The following NALF1 variants were observed in gnomAD, a reference collection of about 807,000 sequenced individuals.
NALF1 encodes NALCN channel auxiliary factor 1.
A neutral mutation model predicts 48.4 loss-of-function variants in NALF1; 3 were observed. The ratio of observed to expected loss-of-function variants is 0.06; its 90% CI spans 0.03 to 0.16. The LOEUF is 0.16. Ranked by LOEUF, NALF1 falls within the 10% of genes least tolerant of loss-of-function variation. The pLI, the probability that NALF1 is intolerant of heterozygous loss-of-function variation, is 1.00. For synonymous variants in NALF1, 262 were observed against 245.7 expected, an observed-to-expected ratio of 1.07 and a Z score of -0.62; for missense variants, 526 against 571.5, an observed-to-expected ratio of 0.92 and a Z score of 0.81.
intron 1 of NALF1, among the ~76,000 whole-genome samples, chr13:107,553,295 G>A (rs1877352567): frequency 6.6e-6 from 1 of 152,066 alleles, no homozygotes. Context: ...TCACATTTTT[G>A]TTATGTCTTG....
chr13:107,728,816 G>A (rs761262456), intron 1 of NALF1, among the ~76,000 whole-genome samples: 13 of 152,218 alleles, frequency 8.5e-5, no homozygotes, highest in South Asian at 2.1e-4. Context: ...TGCTGTCTTC[G>A]TCAGAGGCTG....
At chr13:107,793,264 T>C (rs1594270606) in intron 1 of NALF1, among the ~76,000 whole-genome samples, 1 of 152,180 alleles carries the variant, frequency 6.6e-6, no homozygotes, top group South Asian at 2.1e-4. Context: ...TATGCCGCAA[T>C]GCCATTAGAA....
rs191880967 is a variant in NALF1, at chr13:107,286,964, G to C, written c.916-76209C>G. Among the ~76,000 whole-genome samples, 20 of 152,312 alleles carry C rather than the reference G, an allele frequency of 1.3e-4. No individual in the cohort carries two copies. The East Asian group carries it at 2.7e-3, about 21-fold the overall frequency. On this transcript the variant is annotated intron_variant, in intron 1 of 2. Coordinates refer to ENST00000375915, the MANE Select transcript of NALF1 (RefSeq NM_001080396.3). ...AATTTTAAAGAGATGTTTTGGACTAGACAGAGCTTGTGGCTGCACAGCAGT... is the reference window on the plus strand; with the variant it reads ...AATTTTAAAGAGATGTTTTGGACTACACAGAGCTTGTGGCTGCACAGCAGT...
intron 1 of NALF1, among the ~76,000 whole-genome samples, chr13:107,262,895 C>T (rs1218396669): frequency 6.6e-6 from 1 of 151,814 alleles, no homozygotes; most frequent in Non-Finnish European, 1.5e-5. Flanking sequence ...ATAATTGTAA[C>T]GTATGCACAT....
At chr13:107,256,409 T>A (rs1238011468) in intron 1 of NALF1, among the ~76,000 whole-genome samples, 2 of 152,202 alleles carry the variant, frequency 1.3e-5, no homozygotes, top group Non-Finnish European at 2.9e-5. Context: ...AGGGCTTGAC[T>A]TATGATTTTG....
intron 1 of NALF1, among the ~76,000 whole-genome samples, chr13:107,306,690 G>A (rs902648660): frequency 2.0e-5 from 3 of 152,138 alleles, no homozygotes; most frequent in African/African-American, 4.8e-5. Flanking sequence ...TCAGCCAGGC[G>A]AGATGGCTCA....
chr13:107,344,624 C>A (rs1188329405), intron 1 of NALF1, among the ~76,000 whole-genome samples: 1 of 152,024 alleles, frequency 6.6e-6, no homozygotes, highest in East Asian at 1.9e-4. Context: ...TGACAAAATC[C>A]AACATGCTTT....
At chr13:107,403,950 C>G (rs1051327044) in intron 1 of NALF1, among the ~76,000 whole-genome samples, 2 of 152,090 alleles carry the variant, frequency 1.3e-5, no homozygotes, top group Non-Finnish European at 1.5e-5. Context: ...TAAAACGAAG[C>G]CTGATAATTA....
intron 1 of NALF1, among the ~76,000 whole-genome samples, chr13:107,644,642 CATACAT>C (rs891074135): frequency 1.3e-4 from 12 of 92,242 alleles, no homozygotes; most frequent in South Asian, 7.8e-4. Context: ...TACATACATA[CATACAT>C]ATATATATAT....
At chr13:107,736,164 G>C (rs984936126) in intron 1 of NALF1, among the ~76,000 whole-genome samples, 1 of 144,758 alleles carries the variant, frequency 6.9e-6, no homozygotes, top group Non-Finnish European at 1.5e-5. Context: ...ATTGCACCAA[G>C]ATGCATACGC....
At chr13:107,475,260 T>C (rs995731775) in intron 1 of NALF1, among the ~76,000 whole-genome samples, 8 of 152,218 alleles carry the variant, frequency 5.3e-5, no homozygotes, top group Admixed American at 2.0e-4. Context: ...TAGCATTTTG[T>C]GTTCATACAG....
At chr13:107,787,246 C>T (rs548411662) in intron 1 of NALF1, among the ~76,000 whole-genome samples, 1 of 152,046 alleles carries the variant, frequency 6.6e-6, no homozygotes, top group South Asian at 2.1e-4. Flanking sequence ...ATGAGAAATC[C>T]ATATATATGC....
chr13:107,711,194 T>C lies in NALF1; in HGVS notation c.915+154488A>G, dbSNP rs1875579563. On this transcript the variant is annotated intron_variant, in intron 1 of 2. Coordinates refer to ENST00000375915, the MANE Select transcript of NALF1 (RefSeq NM_001080396.3). The stretch of plus-strand genomic sequence containing the variant: ...TTGTTGGCAACCTGAGGGAAGAGCG[T>C]GCATCTTTCATGTCACAGTGTTACC... Among the ~76,000 whole-genome samples, 3 of 152,182 alleles carry C rather than the reference T, an allele frequency of 2.0e-5. No homozygotes were observed. The South Asian group carries it at 6.2e-4, about 31-fold the overall frequency.
At chr13:107,594,524 A>G (rs558819302) in intron 1 of NALF1, among the ~76,000 whole-genome samples, 5 of 152,110 alleles carry the variant, frequency 3.3e-5, no homozygotes, top group African/African-American at 1.2e-4. Context: ...CTGCTAAAGT[A>G]ATCAGTGTGG....
At position 107,299,122 on chromosome 13, in the gene NALF1, T is replaced by G. The variant is rs180930970; in HGVS notation, c.916-88367A>C. 7.0e-3 allele frequency among the ~76,000 whole-genome samples: 1,062 copies of G among 152,272 alleles called. 52 individuals carry two copies. Among genetic ancestry groups the G allele is most frequent in the Non-Finnish European group, 1.5e-3 (105 of 68,030 alleles). ...TTGTAGAATAGCTCTCATCTGGGTT[T>G]TGACTGATATTTTTTCATGCTTTAA... On this transcript the variant is annotated intron_variant, in intron 1 of 2. Transcript: ENST00000375915.
chr13:107,722,770 T>A (rs555478439), intron 1 of NALF1, among the ~76,000 whole-genome samples: 1 of 152,106 alleles, frequency 6.6e-6, no homozygotes, highest in Admixed American at 6.6e-5. Context: ...GACTTCAGAG[T>A]TGCCATAAGA....
intron 1 of NALF1, among the ~76,000 whole-genome samples, chr13:107,592,586 A>G (rs577975367): frequency 2.6e-5 from 4 of 152,032 alleles, no homozygotes; most frequent in East Asian, 3.9e-4. Flanking sequence ...TAAAAAATAG[A>G]TAACTTTATT....
At chr13:107,844,522 T>C (rs1421281153) in intron 1 of NALF1, among the ~76,000 whole-genome samples, 2 of 152,166 alleles carry the variant, frequency 1.3e-5, no homozygotes, top group Non-Finnish European at 2.9e-5. Flanking sequence ...CAATATTCAG[T>C]AGTTCTTGCT....
chr13:107,801,630 A>T (rs561877989), intron 1 of NALF1, among the ~76,000 whole-genome samples: 93 of 152,328 alleles, frequency 6.1e-4, no homozygotes, highest in African/African-American at 2.1e-3. Flanking sequence ...GAAAATTAGA[A>T]TCCTGTCGGG....
Sources: allele counts gnomAD v4.1 joint callset (sites outside exome capture counted in the v4.1 genomes callset), GRCh38; gene constraint gnomAD v4.1.1; transcripts MANE v1.5; gene names NCBI Gene and HGNC (gene_info 2026-07-23, HGNC 2026-07-21).